GPM6A: variants seen among roughly 807,000 people sequenced by gnomAD.
GPM6A encodes glycoprotein M6A.
In GPM6A, 7 loss-of-function variants were observed where a neutral mutation model predicts 32.1. That is an observed-to-expected ratio of 0.22 (90% confidence interval 0.12 to 0.41). GPM6A has a LOEUF of 0.41. GPM6A is among the 10% of genes least tolerant of loss of function. The probability of loss-of-function intolerance (pLI) is 1.00; values close to 1 mark genes in which losing one functional copy is unlikely to be tolerated. For missense variants in GPM6A, 235 were observed against 347.2 expected, an observed-to-expected ratio of 0.68 and a Z score of 2.57; for synonymous variants, 130 against 123.4, an observed-to-expected ratio of 1.05 and a Z score of -0.35.
intron 1 of GPM6A, among the ~76,000 whole-genome samples, chr4:175,996,391 A>C (rs1005380201): frequency 3.9e-5 from 6 of 152,212 alleles, no homozygotes; most frequent in Non-Finnish European, 5.9e-5. Flanking sequence ...CATTCTTGAA[A>C]AATAAAGCAA....
chr4:175,802,813 T>C (rs1019203969), intron 1 of GPM6A, among the ~76,000 whole-genome samples: 1 of 152,132 alleles, frequency 6.6e-6, no homozygotes, highest in Admixed American at 6.5e-5. Flanking sequence ...GACAGTTTAA[T>C]GTATTTGACT....
intron 1 of GPM6A, among the ~76,000 whole-genome samples, chr4:175,996,168 T>G (rs1226658318): frequency 6.6e-6 from 1 of 152,218 alleles, no homozygotes; most frequent in Non-Finnish European, 1.5e-5. Flanking sequence ...TTTTTCTTTG[T>G]TTTTCAAATG....
intron 1 of GPM6A, among the ~76,000 whole-genome samples, chr4:175,766,289 G>A (rs1732963135): frequency 2.0e-5 from 3 of 152,216 alleles, no homozygotes; most frequent in South Asian, 2.1e-4. Flanking sequence ...TATCCCTTAA[G>A]TTTTATAGAT....
At chr4:175,817,096 G>T (rs1159194256), upstream of GPM6A, among the ~76,000 whole-genome samples, 1 of 152,146 alleles carries the variant, frequency 6.6e-6, no homozygotes, top group Non-Finnish European at 1.5e-5. Context: ...CTGACTTCGT[G>T]ATCCGCCCGC....
At chr4:175,799,757 C>A (rs1734394945) in intron 1 of GPM6A, among the ~76,000 whole-genome samples, 1 of 136,274 alleles carries the variant, frequency 7.3e-6, no homozygotes, top group African/African-American at 2.6e-5. Flanking sequence ...TCACTGCAAG[C>A]TCCGCCTCCC....
intron 1 of GPM6A, among the ~76,000 whole-genome samples, chr4:175,731,238 A>G (rs2581743): frequency 0.086 from 13,098 of 152,036 alleles, 877 homozygotes; most frequent in East Asian, 0.29. Flanking sequence ...TTCATCTCTC[A>G]CTGCAGCCGA....
intron 1 of GPM6A, among the ~76,000 whole-genome samples, chr4:175,993,120 C>T (rs1175420258): frequency 6.6e-6 from 1 of 151,618 alleles, no homozygotes; most frequent in East Asian, 1.9e-4. Context: ...TCCTCCCACC[C>T]TCCCTCCTTT....
At chr4:175,834,228 C>G (rs1434930456) in intron 1 of GPM6A, among the ~76,000 whole-genome samples, 1 of 152,130 alleles carries the variant, frequency 6.6e-6, no homozygotes, top group African/African-American at 2.4e-5. Flanking sequence ...TATAGAATGT[C>G]CCTACGCCTC....
intron 1 of GPM6A, among the ~76,000 whole-genome samples, chr4:175,988,576 C>A (rs931399410): frequency 6.6e-6 from 1 of 152,160 alleles, no homozygotes; most frequent in African/African-American, 2.4e-5. Context: ...TAATCAGCAT[C>A]CATTGCAGCC....
At chr4:175,656,427 G>T (rs1317038496) in intron 3 of GPM6A, among the ~76,000 whole-genome samples, 2 of 152,010 alleles carry the variant, frequency 1.3e-5, no homozygotes, top group Non-Finnish European at 2.9e-5. Flanking sequence ...CCTACCACAT[G>T]TTAGCATTTG....
At chr4:175,812,305 T>TTTTTTTTTG, upstream of GPM6A, 6 of 1,008,388 alleles carry the variant, frequency 6.0e-6, no homozygotes, top group African/African-American at 2.7e-5. Context: ...CTGGGGGTTT[T>TTTTTTTTTG]TTTTTTTTTT....
chr4:175,637,327 T>TTATATATTATATATAATGTAAAA, intron 6 of GPM6A, among the ~76,000 whole-genome samples: 1 of 78,714 alleles, frequency 1.3e-5, no homozygotes. Context: ...AAAATATATA[T>TTATATATTATATATAATGTAAAA]TATATATTAT....
intron 1 of GPM6A, among the ~76,000 whole-genome samples, chr4:175,766,816 G>A (rs375948097): frequency 6.5e-4 from 98 of 151,876 alleles, no homozygotes; most frequent in African/African-American, 2.1e-3. Flanking sequence ...CACCATGCCC[G>A]GCTAATTTTT....
chr4:175,729,809 T>G (rs1410910170), intron 1 of GPM6A, among the ~76,000 whole-genome samples: 1 of 145,836 alleles, frequency 6.9e-6, no homozygotes, highest in Non-Finnish European at 1.5e-5. Context: ...TATTATATTA[T>G]ATATTAATAT....
At chr4:175,738,107 T>A (rs1731737778) in intron 1 of GPM6A, among the ~76,000 whole-genome samples, 1 of 152,040 alleles carries the variant, frequency 6.6e-6, no homozygotes, top group Non-Finnish European at 1.5e-5. Flanking sequence ...CTGGCTAAAT[T>A]TTGTATTTTT....
chr4:175,697,956 A>C (rs1441884365), intron 2 of GPM6A, among the ~76,000 whole-genome samples: 1 of 152,212 alleles, frequency 6.6e-6, no homozygotes, highest in Non-Finnish European at 1.5e-5. Context: ...CATTCTGGAC[A>C]AGTGATTAGT....
intron 1 of GPM6A, among the ~76,000 whole-genome samples, chr4:175,943,415 T>A (rs1027693995): frequency 3.6e-4 from 55 of 152,156 alleles, no homozygotes; most frequent in Admixed American, 2.0e-3. Context: ...CCAATACTAT[T>A]CTTGAATAGG....
chr4:175,910,290 C>A (rs900346251), intron 1 of GPM6A, among the ~76,000 whole-genome samples: 1 of 152,108 alleles, frequency 6.6e-6, no homozygotes, highest in African/African-American at 2.4e-5. Context: ...TCAAAGTCTC[C>A]AAGTTGCAAA....
At chr4:175,813,511 C>A (rs1735007429), upstream of GPM6A, among the ~76,000 whole-genome samples, 1 of 152,040 alleles carries the variant, frequency 6.6e-6, no homozygotes, top group African/African-American at 2.4e-5. Flanking sequence ...AGCCAGCACA[C>A]ACACACACAG....
Sources: gnomAD v4.1 joint callset for allele counts (sites outside exome capture counted in the v4.1 genomes callset) on GRCh38, gnomAD v4.1.1 for gene constraint, MANE v1.5 for transcripts, NCBI Gene and HGNC (gene_info 2026-07-23, HGNC 2026-07-21) for gene names.